LRRC46: variants seen among roughly 807,000 people sequenced by gnomAD.
LRRC46 encodes the protein leucine-rich repeat-containing protein 46.
LRRC46 carries 20 observed loss-of-function variants against 28.0 expected under a neutral mutation model. The ratio of observed to expected loss-of-function variants is 0.71; its 90% CI spans 0.50 to 1.04. The LOEUF is 1.04. Among genes scored for constraint, LRRC46 ranks in the 50% least tolerant of loss-of-function variants. LRRC46 has a pLI of 0.00. For synonymous variants in LRRC46, 156 were observed against 158.8 expected (o/e 0.98, Z 0.13); for missense variants, 315 against 390.1 (o/e 0.81, Z 1.62).
rs2033712932 is a variant in LRRC46, at chr17:47,837,413, G to A, written c.*293G>A. 2.2e-6 allele frequency: 1 copy of A among 448,418 alleles called. No homozygotes were observed. The highest frequency in any genetic ancestry group is 2.8e-5 in the South Asian group (1 of 35,916). 27.8% of individuals were successfully genotyped at this position (448,418 alleles called of 1,614,324 possible). A position where few individuals can be genotyped will look rare whatever the true frequency, so the allele number is the denominator to read the frequency against. ...GGCTTCCTGGCTCCCACTTGGGCAG[G>A]AAGCGGGCACCACCTCATGGAAGAG... On this transcript the variant is annotated 3_prime_UTR_variant, in exon 8 of 8. Transcript: ENST00000269025.
chr17:47,835,326 T>C, intron 3 of LRRC46, 27 bp from the exon 4 acceptor site: 1 of 1,613,992 alleles, frequency 6.2e-7, no homozygotes, highest in Non-Finnish European at 8.5e-7. Flanking sequence ...CTCAGCTTGG[T>C]TTCCCCACTT....
In LRRC46 at chr17:47,837,065, C is replaced by G. The variant is rs2033708279; in HGVS notation, c.911C>G (p.Ser304Cys). 6.2e-7 allele frequency: 1 copy of G among 1,606,058 alleles called. No homozygotes were observed. The highest frequency in any genetic ancestry group is 1.8e-5 in the Admixed American group (1 of 56,328). Reference protein sequence around the residue: ...GARAATAPKASVAEAPSTTKT... With the variant: ...GARAATAPKACVAEAPSTTKT... ...CGAGCAGCCACAGCCCCCAAGGCCT[C>G]TGTGGCTGAGGCCCCCAGCACAACC... The change falls in exon 8 of 8, where the codon TCT (serine) becomes TGT (cysteine). Residue 304 changes from serine (S) to cysteine (C), a missense_variant. Ser to Cys is a moderately radical substitution (Grantham distance 112). Transcript: ENST00000269025.
Position 47,831,762 on chromosome 17 carries a change from A to T in LRRC46, c.-228A>T, listed in dbSNP as rs1476163347. On this transcript the variant is annotated 5_prime_UTR_variant, in exon 1 of 8. Transcript: ENST00000269025. The stretch of plus-strand genomic sequence containing the variant: ...GCCCACAACACCCCAGCTTGCTGCC[A>T]GCAAAGCCCCTCCACACCCCTCAAA... 8.0e-5 allele frequency: 52 copies of T among 649,756 alleles called. No individual in the cohort carries two copies. In the Admixed American group the frequency reaches 1.5e-3, roughly 19 times the overall value. The allele number at this position is 649,756 out of a possible 1,614,324, so 40.2% of individuals were successfully genotyped here. A position where few individuals can be genotyped will look rare whatever the true frequency, so the allele number is the denominator to read the frequency against.
At chr17:47,834,029 T>C (rs779948938) in intron 2 of LRRC46, 89 of 990,830 alleles carry the variant, frequency 9.0e-5, no homozygotes, top group Non-Finnish European at 1.1e-4. Flanking sequence ...TTTTTCTCCA[T>C]GAACGACTCA....
At chr17:47,832,721 A>C (rs151185318) in intron 2 of LRRC46, among the ~76,000 whole-genome samples, 1 of 152,342 alleles carries the variant, frequency 6.6e-6, no homozygotes, top group African/African-American at 2.4e-5. Context: ...TTACTTTTTT[A>C]GAGATGGGGT....
In LRRC46 at chr17:47,835,658, C is replaced by T; in HGVS notation, c.273-8C>T. ...GCTCTGCCTCTGTACCCCTTCCTTCCCCTACAGCTTCCTGTCTCTGGCAGG... is the reference window on the plus strand; with the variant it reads ...GCTCTGCCTCTGTACCCCTTCCTTCTCCTACAGCTTCCTGTCTCTGGCAGG... On this transcript the variant is annotated splice_polypyrimidine_tract_variant and splice_region_variant and intron_variant, in intron 4 of 7. Transcript: ENST00000269025. 6.2e-7 allele frequency: 1 copy of T among 1,612,588 alleles called. No individual in the cohort carries two copies. Among genetic ancestry groups the T allele is most frequent in the Non-Finnish European group, 8.5e-7 (1 of 1,178,556 alleles).
Position 47,837,086 on chromosome 17 carries a change from C to T in LRRC46, c.932C>T (p.Thr311Ile), listed in dbSNP as rs761175107. 3.7e-6 allele frequency: 6 copies of T among 1,604,908 alleles called. No individual in the cohort carries two copies. In the East Asian group the frequency reaches 1.3e-4, roughly 36 times the overall value. The change falls in exon 8 of 8, where the codon ACA (threonine) becomes ATA (isoleucine). Residue 311 changes from threonine to isoleucine, a missense_variant. Physicochemically the swap from Thr to Ile is moderately conservative, Grantham distance 89 (BLOSUM62 -1). Transcript: ENST00000269025. ...GCCTCTGTGGCTGAGGCCCCCAGCA[C>T]AACCAAAACTACGGCCAAGAGAAGC... ...PKASVAEAPS[T>I]TKTTAKRSKK
chr17:47,835,615 C>T (rs2033684618), intron 4 of LRRC46, 51 bp from the exon 5 acceptor site: 3 of 1,566,496 alleles, frequency 1.9e-6, no homozygotes, highest in Non-Finnish European at 2.6e-6. Flanking sequence ...TCTTTTCTTC[C>T]AGCTGTTCCA....
chr17:47,832,565 T>C (rs1555634249), intron 2 of LRRC46, among the ~76,000 whole-genome samples: 1 of 152,142 alleles, frequency 6.6e-6, no homozygotes, highest in Non-Finnish European at 1.5e-5. Flanking sequence ...GGTGCACACC[T>C]GTAGTCCTAG....
chr17:47,834,636 C>T, intron 3 of LRRC46, 103 bp downstream of exon 3: 1 of 702,134 alleles, frequency 1.4e-6, no homozygotes, highest in Non-Finnish European at 2.5e-6. Flanking sequence ...CCCTGGTGTT[C>T]AGGCAGGCAG....
chr17:47,833,110 A>C (rs1249852100), intron 2 of LRRC46, among the ~76,000 whole-genome samples: 3 of 152,098 alleles, frequency 2.0e-5, no homozygotes. Context: ...GGCATATTGG[A>C]GTTTCGGAAG....
rs1400859154 is a variant in LRRC46 at position 47,837,554 on chromosome 17, C to T, written c.*434C>T. 2 of 461,740 alleles carry T rather than the reference C, an allele frequency of 4.3e-6. No homozygotes were observed. The allele number at this position is 461,740 out of a possible 1,614,324, so 28.6% of individuals were successfully genotyped here. On this transcript the variant is annotated 3_prime_UTR_variant, in exon 8 of 8. Coordinates refer to ENST00000269025, the MANE Select transcript of LRRC46 (RefSeq NM_033413.4). ...AGCCAGCTCCTGTCCCCTCCCTGTC[C>T]TCCTGCCCAGTCCCCATCACTCACC...
At position 47,836,030 on chromosome 17, in the gene LRRC46, CA is replaced by C; in HGVS notation, c.383-2del. 1 of 1,613,982 alleles carries C rather than the reference CA, an allele frequency of 6.2e-7. No individual in the cohort carries two copies. The highest frequency in any genetic ancestry group is 8.5e-7 in the Non-Finnish European group (1 of 1,179,822). Reference sequence around the variant, plus strand: ...CCATTTCCTCTCTCTTTGCTGTGTGCAGATGAGTTCCCCCAGAGCCTTCTCA... The same window carrying C: ...CCATTTCCTCTCTCTTTGCTGTGTGCGATGAGTTCCCCCAGAGCCTTCTCA... On this transcript the variant is annotated splice_acceptor_variant, in intron 5 of 7. Coordinates refer to ENST00000269025, the MANE Select transcript of LRRC46 (RefSeq NM_033413.4). LOFTEE classifies it high-confidence loss of function. This position sits in a 1 kb window ranked among gnomAD's most constrained non-coding sequence, Gnocchi z 5.8.
Position 47,836,647 on chromosome 17 carries a change from C to G in LRRC46, c.596-103C>G. The G allele has an allele frequency of 6.6e-7, 1 of 1,517,648 alleles. No individual in the cohort carries two copies. Among genetic ancestry groups the G allele is most frequent in the Admixed American group, 2.2e-5 (1 of 44,446 alleles). 94.0% of individuals were successfully genotyped at this position (1,517,648 alleles called of 1,614,324 possible). A position where few individuals can be genotyped will look rare whatever the true frequency, so the allele number is the denominator to read the frequency against. ...GGCCCCAGCCTCAGGCTCCTTCCCA[C>G]AAGGGACAAGGGGCCAGCCAGAGAC... On this transcript the variant is annotated intron_variant, in intron 7 of 7. Transcript: ENST00000269025. The surrounding 1 kb of genome is among the most constrained non-coding windows in gnomAD (Gnocchi z 5.8).
intron 3 of LRRC46, 152 bp from the exon 4 acceptor site, chr17:47,835,201 A>G: frequency 2.5e-6 from 2 of 807,822 alleles, no homozygotes; most frequent in Non-Finnish European, 4.4e-6. Flanking sequence ...TTCTTAAGGT[A>G]GTGGCAACCT....
intron 4 of LRRC46, 25 bp from the exon 5 acceptor site, chr17:47,835,641 T>C (rs779994827): frequency 1.2e-6 from 2 of 1,604,250 alleles, no homozygotes; most frequent in Non-Finnish European, 1.7e-6. Flanking sequence ...CAGCTCTGCC[T>C]CTGTACCCCT....
At chr17:47,835,949 A>G in intron 5 of LRRC46, 84 bp from the exon 6 acceptor site, 3 of 1,498,482 alleles carry the variant, frequency 2.0e-6, no homozygotes, top group Admixed American at 3.4e-5. Context: ...GAAAGTGGGT[A>G]TGAGAACCCC....
chr17:47,837,060 G>C lies in LRRC46; in HGVS notation c.906G>C (p.Lys302Asn). Residue 302 changes from lysine (K) to asparagine (N), a missense_variant, in exon 8 of 8, where the codon AAG (lysine) becomes AAC (asparagine). Coordinates refer to ENST00000269025, the MANE Select transcript of LRRC46 (RefSeq NM_033413.4). Reference sequence around the variant, plus strand: ...GGGCACGAGCAGCCACAGCCCCCAAGGCCTCTGTGGCTGAGGCCCCCAGCA... The same window carrying C: ...GGGCACGAGCAGCCACAGCCCCCAACGCCTCTGTGGCTGAGGCCCCCAGCA... Reference protein sequence around the residue: ...RKGARAATAPKASVAEAPSTT... With the variant: ...RKGARAATAPNASVAEAPSTT... 1.9e-6 allele frequency: 3 copies of C among 1,606,264 alleles called. No individual in the cohort carries two copies. Among genetic ancestry groups the C allele is most frequent in the Non-Finnish European group, 8.5e-7 (1 of 1,178,174 alleles).
Position 47,836,472 on chromosome 17 carries a change from C to G in LRRC46, c.592C>G (p.Arg198Gly), listed in dbSNP as rs748743875. The G allele has an allele frequency of 1.2e-6, 2 of 1,613,806 alleles. No homozygotes were observed. The highest frequency in any genetic ancestry group is 1.7e-5 in the Admixed American group (1 of 60,000). Residue 198 changes from arginine (R) to glycine (G), a missense_variant, in exon 7 of 8, where the codon CGA becomes GGA. Coordinates refer to ENST00000269025, the MANE Select transcript of LRRC46 (RefSeq NM_033413.4). The surrounding 1 kb of genome is among the most constrained non-coding windows in gnomAD (Gnocchi z 5.8). ...GCTGAGTGGCCCATTCTGCTCAGAA[C>G]GAGGTGACCCTGCTTTCCAAGGTTT... ...PELSGPFCSE[R>G]GFLKELEQEL...
Sources: allele counts gnomAD v4.1 joint callset (sites outside exome capture counted in the v4.1 genomes callset), GRCh38; gene constraint gnomAD v4.1.1; non-coding constraint Gnocchi (gnomAD v3.1); transcripts MANE v1.5; gene names NCBI Gene and HGNC (gene_info 2026-07-23, HGNC 2026-07-21).